ARHGAP26: variants seen among roughly 807,000 people sequenced by gnomAD.
ARHGAP26 encodes rho GTPase-activating protein 26.
In ARHGAP26, 38 loss-of-function variants were observed where a neutral mutation model predicts 104.8. The observed-to-expected ratio is 0.36, with a 90% CI of 0.28 to 0.48. ARHGAP26 has a LOEUF of 0.48. Ranked by LOEUF, ARHGAP26 falls within the 20% of genes least tolerant of loss-of-function variation. ARHGAP26 has a pLI of 0.99. For synonymous variants in ARHGAP26, 341 were observed against 340.0 expected (o/e 1.00, Z -0.03); for missense variants, 704 against 947.9 (o/e 0.74, Z 3.38).
At chr5:143,025,863 A>T (rs1317575895) in intron 12 of ARHGAP26, among the ~76,000 whole-genome samples, 1 of 152,178 alleles carries the variant, frequency 6.6e-6, no homozygotes, top group Non-Finnish European at 1.5e-5. Context: ...TGGTAGGTTT[A>T]TTCCCATCCA....
chr5:142,963,162 TGG>T (rs1491067316), intron 11 of ARHGAP26, among the ~76,000 whole-genome samples: 3 of 84,494 alleles, frequency 3.6e-5, no homozygotes, highest in African/African-American at 8.6e-5. Context: ...TAGTATTCCA[TGG>T]TATATATGTA....
intron 17 of ARHGAP26, among the ~76,000 whole-genome samples, chr5:143,069,215 A>G (rs1166389593): frequency 6.6e-6 from 1 of 152,162 alleles, no homozygotes; most frequent in African/African-American, 2.4e-5. Flanking sequence ...GTCAGTATCT[A>G]ATATACTATA....
At chr5:143,031,353 T>G (rs1210803618) in intron 12 of ARHGAP26, among the ~76,000 whole-genome samples, 6 of 152,110 alleles carry the variant, frequency 3.9e-5, no homozygotes, top group Non-Finnish European at 7.4e-5. Context: ...ACAAGAAGAA[T>G]AAGAAGACCA....
At chr5:142,884,405 G>A (rs561126789) in intron 4 of ARHGAP26, among the ~76,000 whole-genome samples, 1 of 152,130 alleles carries the variant, frequency 6.6e-6, no homozygotes, top group Non-Finnish European at 1.5e-5. Context: ...ATTAATTATG[G>A]TAATTATTTT....
intron 1 of ARHGAP26, among the ~76,000 whole-genome samples, chr5:142,813,915 A>G (rs998411889): frequency 3.9e-5 from 6 of 152,252 alleles, no homozygotes; most frequent in Admixed American, 2.0e-4. Context: ...TGAGTTCCTC[A>G]GGTGGGCCTC....
chr5:143,057,890 A>C, intron 17 of ARHGAP26, 143 bp downstream of exon 17: 1 of 778,370 alleles, frequency 1.3e-6, no homozygotes, highest in Non-Finnish European at 2.3e-6. Context: ...AAATGTGTGA[A>C]ATGTTCATTG....
Position 143,227,632 on chromosome 5 carries a change from C to T in ARHGAP26, c.*5186C>T, listed in dbSNP as rs1811772565. ...TTCTCCTGCCGCCTACAGTACCTGT[C>T]TAACTAAAGAGCTTCCCAAAGTGGA... On this transcript the variant is annotated 3_prime_UTR_variant, in exon 23 of 23. Coordinates refer to ENST00000645722, the MANE Select transcript of ARHGAP26 (RefSeq NM_001135608.3). 4.4e-6 allele frequency: 1 copy of T among 229,520 alleles called. No individual in the cohort carries two copies. The highest frequency in any genetic ancestry group is 8.6e-6 in the Non-Finnish European group (1 of 115,794). 14.2% of individuals were successfully genotyped at this position (229,520 alleles called of 1,614,324 possible). A position where few individuals can be genotyped will look rare whatever the true frequency, so the allele number is the denominator to read the frequency against.
At chr5:142,867,194 T>C (rs1244029216) in intron 1 of ARHGAP26, among the ~76,000 whole-genome samples, 1 of 152,116 alleles carries the variant, frequency 6.6e-6, no homozygotes. Context: ...TCTGATATAG[T>C]TGATTGCCAC....
chr5:143,111,961 C>T (rs1222323029), intron 17 of ARHGAP26, among the ~76,000 whole-genome samples: 1 of 151,440 alleles, frequency 6.6e-6, no homozygotes, highest in Non-Finnish European at 1.5e-5. Context: ...TGAGCCTTGA[C>T]ACACTTAGAA....
intron 1 of ARHGAP26, among the ~76,000 whole-genome samples, chr5:142,779,083 G>A (rs1756959319): frequency 6.6e-6 from 1 of 152,196 alleles, no homozygotes; most frequent in South Asian, 2.1e-4. Flanking sequence ...TGGGAGATGG[G>A]ATGGGGCTTT....
At chr5:143,145,052 A>G (rs888098098) in intron 19 of ARHGAP26, among the ~76,000 whole-genome samples, 2 of 152,192 alleles carry the variant, frequency 1.3e-5, no homozygotes, top group Non-Finnish European at 2.9e-5. Flanking sequence ...CAAGATGCAT[A>G]TTTGGCCCTC....
intron 11 of ARHGAP26, among the ~76,000 whole-genome samples, chr5:142,948,397 TTGTG>T (rs1767495601): frequency 7.3e-6 from 1 of 136,108 alleles, no homozygotes; most frequent in African/African-American, 2.8e-5. Context: ...CTATACGTAC[TTGTG>T]TGTATTAAAT....
chr5:142,780,238 T>G (rs1305890716), intron 1 of ARHGAP26, among the ~76,000 whole-genome samples: 2 of 151,478 alleles, frequency 1.3e-5, no homozygotes, highest in Non-Finnish European at 1.5e-5. Flanking sequence ...ATATAGTGTA[T>G]GTAACCATTC....
chr5:142,849,659 A>G (rs1751141376), intron 1 of ARHGAP26, among the ~76,000 whole-genome samples: 1 of 152,012 alleles, frequency 6.6e-6, no homozygotes. Context: ...AGCTTCTGCC[A>G]CCACCCACAT....
At chr5:143,202,401 G>A (rs1483860481) in intron 20 of ARHGAP26, 5 of 151,960 alleles carry the variant, frequency 3.3e-5, no homozygotes, top group African/African-American at 1.2e-4. Flanking sequence ...ACCACTGCTC[G>A]AGGAAATAAG....
At chr5:143,173,916 G>A (rs1803128545) in intron 20 of ARHGAP26, among the ~76,000 whole-genome samples, 1 of 152,150 alleles carries the variant, frequency 6.6e-6, no homozygotes, top group Admixed American at 6.5e-5. Context: ...CCACAAAGAT[G>A]AATTTGGTTT....
intron 20 of ARHGAP26, among the ~76,000 whole-genome samples, chr5:143,181,434 C>G (rs114825108): frequency 2.9e-4 from 44 of 152,310 alleles, no homozygotes; most frequent in South Asian, 1.5e-3. Flanking sequence ...CCTGCTTCCC[C>G]CTCCTTACAC....
Position 143,121,021 on chromosome 5 carries a change from G to A in ARHGAP26, c.1572G>A (p.Thr524=), listed in dbSNP as rs35015063. ...ACAACCACAAGCAGAATTTGATGAC[G>A]GTGGCAAACCTTGGTGTGGTGTTTG... is the stretch of plus-strand genomic sequence containing the variant. ...VANNHKQNLM[T]VANLGVVFGP... The change falls in exon 18 of 23, where the codon ACG becomes ACA. Residue 524 remains threonine (T), a synonymous_variant. Transcript: ENST00000645722. 4.8e-3 allele frequency: 7,685 copies of A among 1,612,938 alleles called. 21 individuals are homozygous for A. The highest frequency in any genetic ancestry group is 6.0e-3 in the Non-Finnish European group (7,041 of 1,179,324).
At chr5:142,939,449 T>G (rs937231044) in intron 11 of ARHGAP26, among the ~76,000 whole-genome samples, 1 of 152,236 alleles carries the variant, frequency 6.6e-6, no homozygotes, top group African/African-American at 2.4e-5. Context: ...CTTTGTGGAC[T>G]TTGGGGCTGA....
Sources: allele counts gnomAD v4.1 joint callset (sites outside exome capture counted in the v4.1 genomes callset), GRCh38; gene constraint gnomAD v4.1.1; transcripts MANE v1.5; gene names NCBI Gene and HGNC (gene_info 2026-07-23, HGNC 2026-07-21).